SVOP: variants seen among roughly 807,000 people sequenced by gnomAD.
SVOP encodes the protein synaptic vesicle 2-related protein.
SVOP carries 17 observed loss-of-function variants against 69.1 expected under a neutral mutation model. That is an observed-to-expected ratio of 0.25 (90% confidence interval 0.17 to 0.37). The LOEUF (loss-of-function observed/expected upper bound fraction) is 0.37, where lower values mean the gene tolerates loss of function less well. SVOP is among the 10% of genes least tolerant of loss of function. The pLI is 1.00. For synonymous variants in SVOP, 238 were observed against 238.6 expected (o/e 1.00, Z 0.02); for missense variants, 435 against 597.5 (o/e 0.73, Z 2.84).
At chr12:108,913,304 A>G (rs934450542) in intron 15 of SVOP, among the ~76,000 whole-genome samples, 18 of 152,038 alleles carry the variant, frequency 1.2e-4, no homozygotes, top group Admixed American at 9.2e-4. Flanking sequence ...CAGGTGATCC[A>G]CCCACCTTGG....
At chr12:108,987,950 C>A (rs1305479026) in intron 1 of SVOP, among the ~76,000 whole-genome samples, 1 of 152,036 alleles carries the variant, frequency 6.6e-6, no homozygotes, top group Non-Finnish European at 1.5e-5. Context: ...AATACAGGGT[C>A]TCACTCTGTC....
chr12:108,907,985 C>T lies in SVOP; in HGVS notation c.*4550G>A, dbSNP rs1193467802. On this transcript the variant is annotated 3_prime_UTR_variant, in exon 16 of 16. Coordinates refer to ENST00000610966, the MANE Select transcript of SVOP (RefSeq NM_018711.5). ...CCAATGCCACCGTGTCTGTACCTCT[C>T]CACCACTTCTTCCTGACCCAATTGA... 1 of 152,296 alleles carries T rather than the reference C, an allele frequency of 6.6e-6. No individual in the cohort carries two copies. The highest frequency in any genetic ancestry group is 1.5e-5 in the Non-Finnish European group (1 of 68,076). The allele number at this position is 152,296 out of a possible 1,614,324, so 9.4% of individuals were successfully genotyped here.
chr12:108,939,256 T>C (rs957651007), intron 8 of SVOP, among the ~76,000 whole-genome samples: 4 of 152,194 alleles, frequency 2.6e-5, no homozygotes, highest in African/African-American at 9.7e-5. Flanking sequence ...GTGCAGTGCC[T>C]GGTATGGGTT....
chr12:109,020,517 C>T (rs1349173112), intron 1 of SVOP, among the ~76,000 whole-genome samples: 2 of 152,198 alleles, frequency 1.3e-5, no homozygotes, highest in Admixed American at 6.5e-5. Flanking sequence ...TTCAAAACAG[C>T]AGCTAATGCT....
chr12:108,942,853 C>T (rs892711751), intron 7 of SVOP, among the ~76,000 whole-genome samples: 7 of 152,224 alleles, frequency 4.6e-5, no homozygotes, highest in African/African-American at 1.7e-4. Flanking sequence ...CAACCTCTGC[C>T]TCCCAGGCTC....
At chr12:108,924,315 T>C (rs2039767665) in intron 11 of SVOP, among the ~76,000 whole-genome samples, 1 of 152,176 alleles carries the variant, frequency 6.6e-6, no homozygotes, top group African/African-American at 2.4e-5. Flanking sequence ...GCAGTCCAAA[T>C]TGATTCACAC....
At chr12:108,941,145 G>A (rs745368085) in intron 7 of SVOP, among the ~76,000 whole-genome samples, 2 of 152,180 alleles carry the variant, frequency 1.3e-5, no homozygotes, top group Non-Finnish European at 2.9e-5. Flanking sequence ...TGCTGGAGCT[G>A]AGCAATGTGG....
chr12:108,945,157 C>T lies in SVOP; in HGVS notation c.588G>A (p.Leu196=), dbSNP rs983142184. ...GIGGVPQSVT[L]YAEFLPMKAR... is the part of the protein sequence containing the mutation. ...CTTTCATGGGAAGGAACTCGGCATA[C>T]AGCGTCACCCTGGGAATGTAAAAGG... Residue 196 remains leucine, a synonymous_variant, in exon 7 of 16, where the codon CTG becomes CTA. Coordinates refer to ENST00000610966, the MANE Select transcript of SVOP (RefSeq NM_018711.5). The T allele has an allele frequency of 3.3e-6, 5 of 1,536,976 alleles. No individual in the cohort carries two copies. The African/African-American group carries it at 6.8e-5, about 21-fold the overall frequency.
intron 15 of SVOP, among the ~76,000 whole-genome samples, chr12:108,914,988 C>T (rs945720799): frequency 6.6e-6 from 1 of 151,340 alleles, no homozygotes; most frequent in African/African-American, 2.4e-5. Flanking sequence ...TCCTGGCCAA[C>T]GTGGTGAAAC....
At chr12:108,966,542 C>T (rs1349414639) in intron 5 of SVOP, among the ~76,000 whole-genome samples, 1 of 151,544 alleles carries the variant, frequency 6.6e-6, no homozygotes, top group Admixed American at 6.6e-5. Context: ...TTGCCAGCTG[C>T]CTGGCTTGCA....
intron 11 of SVOP, among the ~76,000 whole-genome samples, chr12:108,933,379 A>AAATAAT (rs61668949): frequency 3.3e-5 from 5 of 150,658 alleles, no homozygotes; most frequent in Non-Finnish European, 5.9e-5. Flanking sequence ...CTTGTCTCAA[A>AAATAAT]AATAATAATA....
intron 11 of SVOP, among the ~76,000 whole-genome samples, chr12:108,925,214 G>A (rs1415907973): frequency 6.6e-6 from 1 of 152,186 alleles, no homozygotes; most frequent in Non-Finnish European, 1.5e-5. Flanking sequence ...CATCCAGGAG[G>A]TCGGATCTTC....
At chr12:108,951,955 G>C (rs1455815150) in intron 6 of SVOP, among the ~76,000 whole-genome samples, 1 of 152,164 alleles carries the variant, frequency 6.6e-6, no homozygotes, top group Non-Finnish European at 1.5e-5. Flanking sequence ...CAGAAATGAT[G>C]TTATGCTAGT....
chr12:108,945,792 G>A (rs183607797), intron 6 of SVOP, among the ~76,000 whole-genome samples: 6 of 152,198 alleles, frequency 3.9e-5, no homozygotes, highest in Admixed American at 6.5e-5. Context: ...TTCTTGGCAG[G>A]AACACCTCAA....
chr12:108,945,280 T>C, intron 6 of SVOP, 114 bp from the exon 7 acceptor site: 1 of 925,780 alleles, frequency 1.1e-6, no homozygotes, highest in South Asian at 1.5e-5. Flanking sequence ...GTGAACCACT[T>C]ACATCAGAAT....
intron 5 of SVOP, among the ~76,000 whole-genome samples, chr12:108,962,527 T>G (rs1381277120): frequency 1.3e-5 from 2 of 152,190 alleles, no homozygotes; most frequent in Admixed American, 1.3e-4. Flanking sequence ...TTGCCCACGC[T>G]GATCTTGAAC....
intron 12 of SVOP, among the ~76,000 whole-genome samples, chr12:108,920,897 C>T (rs2137390263): frequency 6.6e-6 from 1 of 152,180 alleles, no homozygotes; most frequent in African/African-American, 2.4e-5. Context: ...ATGCCCGGCC[C>T]CATTTTTACA....
intron 9 of SVOP, 78 bp from the exon 10 acceptor site, chr12:108,937,415 T>C (rs569909460): frequency 2.2e-6 from 3 of 1,365,410 alleles, no homozygotes; most frequent in East Asian, 2.3e-5. Flanking sequence ...CTGAGACTAG[T>C]GCACACCAGG....
At chr12:108,969,384 CTTT>C (rs372898097) in intron 5 of SVOP, among the ~76,000 whole-genome samples, 1 of 138,600 alleles carries the variant, frequency 7.2e-6, no homozygotes, top group Admixed American at 7.3e-5. Context: ...CCTTTTCTTT[CTTT>C]TTTTTTTTTC....
Sources: allele counts gnomAD v4.1 joint callset (sites outside exome capture counted in the v4.1 genomes callset), GRCh38; gene constraint gnomAD v4.1.1; transcripts MANE v1.5; gene names NCBI Gene and HGNC (gene_info 2026-07-23, HGNC 2026-07-21).